The following CCDC88A variants were observed in gnomAD, a reference collection of about 807,000 sequenced individuals.
CCDC88A encodes the protein girdin.
In CCDC88A, 54 loss-of-function variants were observed where a neutral mutation model predicts 234.3. The observed-to-expected ratio is 0.23, with a 90% CI of 0.19 to 0.29. The LOEUF is 0.29. CCDC88A is among the 10% of genes least tolerant of loss of function. The pLI, the probability that CCDC88A is intolerant of heterozygous loss-of-function variation, is 1.00. For synonymous variants in CCDC88A, 753 were observed against 737.8 expected (o/e 1.02, Z -0.33); for missense variants, 1,832 against 2,123.4 (o/e 0.86, Z 2.70).
intron 13 of CCDC88A, chr2:55,337,351 C>G (rs1338847224): frequency 1.3e-5 from 2 of 152,030 alleles, no homozygotes; most frequent in Non-Finnish European, 2.9e-5. Flanking sequence ...AATTTCTTTT[C>G]AATTACGCAT....
chr2:55,349,717 A>G (rs1161057405), intron 8 of CCDC88A, 118 bp from the exon 9 acceptor site: 1 of 610,076 alleles, frequency 1.6e-6, no homozygotes, highest in East Asian at 3.0e-5. Context: ...TATTAGCCAT[A>G]ACCCTAATCT....
At chr2:55,362,854 T>C (rs1671498409) in intron 6 of CCDC88A, among the ~76,000 whole-genome samples, 1 of 152,008 alleles carries the variant, frequency 6.6e-6, no homozygotes, top group Non-Finnish European at 1.5e-5. Context: ...GCATTGTTGT[T>C]ACTGAATATC....
intron 7 of CCDC88A, 23 bp downstream of exon 7, chr2:55,362,285 T>C: frequency 1.3e-6 from 2 of 1,540,484 alleles, no homozygotes; most frequent in Non-Finnish European, 1.7e-6. Context: ...ACTTTCACAA[T>C]ATACTGAAAG....
intron 29 of CCDC88A, chr2:55,297,315 AAT>A (rs1165791481): frequency 0.013 from 426 of 32,416 alleles, 6 homozygotes; most frequent in Non-Finnish European, 0.027. Flanking sequence ...ATTATATATA[AAT>A]ATATAATATA....
In CCDC88A at chr2:55,381,251, GAC is replaced by G. The variant is rs530836090; in HGVS notation, c.274-6370_274-6369del. 4.6e-5 allele frequency among the ~76,000 whole-genome samples: 7 copies of G among 152,090 alleles called. No homozygotes were observed. In the South Asian group the frequency reaches 1.0e-3, roughly 23 times the overall value. ...TCGTACAATGACAAAATTGCCTAATGACACATTTTTCAGAACATATATTTGTT... is the reference window on the plus strand; with the variant it reads ...TCGTACAATGACAAAATTGCCTAATGACATTTTTCAGAACATATATTTGTT... On this transcript the variant is annotated intron_variant, in intron 3 of 32. Transcript: ENST00000436346.
intron 2 of CCDC88A, among the ~76,000 whole-genome samples, chr2:55,391,137 C>G (rs1676573185): frequency 6.6e-6 from 1 of 152,184 alleles, no homozygotes; most frequent in Non-Finnish European, 1.5e-5. Flanking sequence ...TGAGTTCTGA[C>G]AAGTAGAGTG....
intron 3 of CCDC88A, among the ~76,000 whole-genome samples, chr2:55,379,658 C>A (rs13015606): frequency 0.3 from 46,250 of 152,020 alleles, 7,454 homozygotes; most frequent in East Asian, 0.54. Flanking sequence ...CTGGGCACAG[C>A]AGCTCACGCC....
intron 2 of CCDC88A, among the ~76,000 whole-genome samples, chr2:55,408,287 T>G (rs1679934066): frequency 6.6e-6 from 1 of 152,052 alleles, no homozygotes; most frequent in South Asian, 2.1e-4. Context: ...AACCTACTCT[T>G]CCTTCATTCT....
At chr2:55,293,537 T>C (rs1301415291) in intron 31 of CCDC88A, 1 of 151,816 alleles carries the variant, frequency 6.6e-6, no homozygotes, top group East Asian at 1.9e-4. Context: ...AAAAGTGTGA[T>C]TACAAAGGAG....
chr2:55,418,043 AAT>A (rs1681765486), intron 2 of CCDC88A: 2 of 152,174 alleles, frequency 1.3e-5, no homozygotes, highest in Admixed American at 1.3e-4. Flanking sequence ...GCTGAGTTTT[AAT>A]TTTACTGATC....
rs1263776584 is a variant in CCDC88A, at chr2:55,328,648, T to C, written c.2856-213A>G. The C allele has an allele frequency of 1.7e-5, 6 of 358,720 alleles. No homozygotes were observed. The highest frequency in any genetic ancestry group is 2.9e-5 in the Non-Finnish European group (6 of 204,416). 22.2% of individuals were successfully genotyped at this position (358,720 alleles called of 1,614,324 possible). A position where few individuals can be genotyped will look rare whatever the true frequency, so the allele number is the denominator to read the frequency against. The stretch of plus-strand genomic sequence containing the variant: ...AACAAAATCATTGAGTGAACAGAGC[T>C]CCGGATTATGGCTTAGATTATCAAA... On this transcript the variant is annotated intron_variant, in intron 16 of 32. Coordinates refer to ENST00000436346, the MANE Select transcript of CCDC88A (RefSeq NM_001365480.1). This position sits in a 1 kb window ranked among gnomAD's most constrained non-coding sequence, Gnocchi z 4.3.
intron 2 of CCDC88A, among the ~76,000 whole-genome samples, chr2:55,394,826 G>A (rs1457865593): frequency 2.2e-5 from 3 of 137,580 alleles, no homozygotes; most frequent in African/African-American, 5.4e-5. Flanking sequence ...AAAAAAAAAA[G>A]AAAAAAAATG....
At chr2:55,402,452 T>C (rs1432979649) in intron 2 of CCDC88A, among the ~76,000 whole-genome samples, 7 of 152,154 alleles carry the variant, frequency 4.6e-5, no homozygotes, top group Non-Finnish European at 8.8e-5. Context: ...CATACAATTA[T>C]TGATATTCTT....
In CCDC88A at chr2:55,391,046, C is replaced by T. The variant is rs1676557597; in HGVS notation, c.165-2160G>A. On this transcript the variant is annotated intron_variant, in intron 2 of 32. Coordinates refer to ENST00000436346, the MANE Select transcript of CCDC88A (RefSeq NM_001365480.1). ...AATTGTGCATGTATAACCTAAAACTCCACAAGGCTAAGCAAAGATCAAATA... is the reference window on the plus strand; with the variant it reads ...AATTGTGCATGTATAACCTAAAACTTCACAAGGCTAAGCAAAGATCAAATA... Among the ~76,000 whole-genome samples, 4 of 152,174 alleles carry T rather than the reference C, an allele frequency of 2.6e-5. No homozygotes were observed. The South Asian group carries it at 8.3e-4, about 32-fold the overall frequency.
chr2:55,338,013 A>G (rs1668018299), intron 13 of CCDC88A, among the ~76,000 whole-genome samples: 1 of 152,196 alleles, frequency 6.6e-6, no homozygotes, highest in Non-Finnish European at 1.5e-5. Flanking sequence ...AAGAATAACA[A>G]TTATTGAAAC....
At chr2:55,407,347 G>A (rs1448672192) in intron 2 of CCDC88A, among the ~76,000 whole-genome samples, 1 of 152,066 alleles carries the variant, frequency 6.6e-6, no homozygotes, top group East Asian at 1.9e-4. Context: ...CCTCATGCCT[G>A]TAATCCCAGC....
chr2:55,309,902 G>C lies in CCDC88A; in HGVS notation c.4080-648C>G, dbSNP rs1229045039. The stretch of plus-strand genomic sequence containing the variant: ...AATTAATATAATAACATATAATATT[G>C]TGTGTGTGTATATATATAAAATGAC... On this transcript the variant is annotated intron_variant, in intron 23 of 32. Transcript: ENST00000436346. The surrounding 1 kb of genome is among the most constrained non-coding windows in gnomAD (Gnocchi z 5.1). Among the ~76,000 whole-genome samples the C allele has an allele frequency of 2.6e-5, 4 of 151,994 alleles. No homozygotes were observed. The highest frequency in any genetic ancestry group is 9.7e-5 in the African/African-American group (4 of 41,390).
At chr2:55,381,193 C>A (rs1022497027) in intron 3 of CCDC88A, among the ~76,000 whole-genome samples, 1 of 152,136 alleles carries the variant, frequency 6.6e-6, no homozygotes, top group Non-Finnish European at 1.5e-5. Flanking sequence ...TAGACTATAT[C>A]ATCTACATTT....
intron 8 of CCDC88A, 179 bp downstream of exon 8, chr2:55,355,400 C>G (rs1670435307): frequency 3.6e-6 from 2 of 561,758 alleles, no homozygotes; most frequent in Non-Finnish European, 6.3e-6. Flanking sequence ...GAATAAAAGG[C>G]ATCCTTTAAA....
Sources: allele counts gnomAD v4.1 joint callset (sites outside exome capture counted in the v4.1 genomes callset), GRCh38; gene constraint gnomAD v4.1.1; non-coding constraint Gnocchi (gnomAD v3.1); transcripts MANE v1.5; gene names NCBI Gene and HGNC (gene_info 2026-07-23, HGNC 2026-07-21).